The following ABCA3 variants were observed in gnomAD, a reference collection of about 807,000 sequenced individuals.
ABCA3 encodes ATP binding cassette subfamily A member 3, also known as phospholipid-transporting ATPase ABCA3.
Under a neutral mutation model 172.8 loss-of-function variants are expected in ABCA3, and 88 were observed. The observed-to-expected ratio is 0.51, with a 90% CI of 0.43 to 0.61. ABCA3 has a LOEUF of 0.61. Ranked by LOEUF, ABCA3 falls within the 20% of genes least tolerant of loss-of-function variation. The probability of loss-of-function intolerance (pLI) is 0.00; values close to 1 mark genes in which losing one functional copy is unlikely to be tolerated. For synonymous variants in ABCA3, 1,066 were observed against 983.8 expected (o/e 1.08, Z -1.56); for missense variants, 2,164 against 2,301.0 (o/e 0.94, Z 1.22).
rs1013536614 is a variant in ABCA3, at chr16:2,279,661, G to T, written c.4360-531C>A. On this transcript the variant is annotated intron_variant, in intron 28 of 32. Transcript: ENST00000301732. The surrounding 1 kb of genome is among the most constrained non-coding windows in gnomAD (Gnocchi z 4.4). ...TACCTTCAGCAGCTGGTCGGGGGCA[G>T]GAGTGCCTGGGTTCTGTGGATTCCA... Among the ~76,000 whole-genome samples, 2 of 152,146 alleles carry T rather than the reference G, an allele frequency of 1.3e-5. No homozygotes were observed. The highest frequency in any genetic ancestry group is 1.3e-4 in the Admixed American group (2 of 15,278).
intron 1 of ABCA3, chr16:2,339,043 A>C (rs2093756312): frequency 6.6e-6 from 1 of 152,370 alleles, no homozygotes; most frequent in Non-Finnish European, 1.5e-5. Flanking sequence ...GGTGTGAGCC[A>C]CTTAGCCCGG....
chr16:2,283,477 A>G lies in ABCA3; in HGVS notation c.3863-119T>C, dbSNP rs950770614. 12 of 1,158,066 alleles carry G rather than the reference A, an allele frequency of 1.0e-5. No homozygotes were observed. Among genetic ancestry groups the G allele is most frequent in the Non-Finnish European group, 1.5e-5 (12 of 823,456 alleles). 71.7% of individuals were successfully genotyped at this position (1,158,066 alleles called of 1,614,324 possible). A position where few individuals can be genotyped will look rare whatever the true frequency, so the allele number is the denominator to read the frequency against. On this transcript the variant is annotated intron_variant, in intron 25 of 32. Transcript: ENST00000301732. This position sits in a 1 kb window ranked among gnomAD's most constrained non-coding sequence, Gnocchi z 5.4. ...AGGCGCCTGTAACAATGTCCCCTCC[A>G]TGGGGAGATGTGAAGGCCAGTAGGT...
Position 2,326,056 on chromosome 16 carries a change from C to G in ABCA3, c.273G>C (p.Lys91Asn), listed in dbSNP as rs1382854589. Residue 91 changes from lysine (K) to asparagine (N), a missense_variant, in exon 5 of 33, where the codon AAG becomes AAC. Physicochemically the swap from Lys to Asn is moderately conservative, Grantham distance 94. Around this residue, in one of 3 missense-constraint regions of ABCA3, gnomAD observed 1,343 missense variants for 1,369.6 expected, o/e 0.98. Coordinates refer to ENST00000301732, the MANE Select transcript of ABCA3 (RefSeq NM_001089.3). ...CCCTGCGCACTGTCTCAGTGACGGTCTTGGCAGCGTCACTGTGAGAAGGGA... is the reference window on the plus strand; with the variant it reads ...CCCTGCGCACTGTCTCAGTGACGGTGTTGGCAGCGTCACTGTGAGAAGGGA... ...AYIPSHSDAA[K>N]TVTETVRRAL... 1.9e-6 allele frequency: 3 copies of G among 1,613,924 alleles called. No individual in the cohort carries two copies. The African/African-American group carries it at 4.0e-5, about 22-fold the overall frequency.
intron 19 of ABCA3, among the ~76,000 whole-genome samples, chr16:2,289,823 C>T (rs1371995608): frequency 6.6e-6 from 1 of 152,176 alleles, no homozygotes; most frequent in African/African-American, 2.4e-5. Context: ...CATAGGGTTT[C>T]ACCATGTTGG....
In ABCA3 at chr16:2,288,340, G is replaced by A. The variant is rs2093666416; in HGVS notation, c.2701-11C>T. 6.5e-7 allele frequency: 1 copy of A among 1,543,574 alleles called. No individual in the cohort carries two copies. On this transcript the variant is annotated splice_polypyrimidine_tract_variant and intron_variant, in intron 20 of 32. Coordinates refer to ENST00000301732, the MANE Select transcript of ABCA3 (RefSeq NM_001089.3). Reference sequence around the variant, plus strand: ...GCAGTGCAGGGCGAGCTGCGGCAGAGGGGACGCAGGTGACACCGGCACCGC... The same window carrying A: ...GCAGTGCAGGGCGAGCTGCGGCAGAAGGGACGCAGGTGACACCGGCACCGC...
rs1352529622 is a variant in ABCA3 at position 2,281,038 on chromosome 16, C to T, written c.4348G>A (p.Asp1450Asn). 1.2e-6 allele frequency: 2 copies of T among 1,613,936 alleles called. No individual in the cohort carries two copies. The highest frequency in any genetic ancestry group is 4.5e-5 in the East Asian group (2 of 44,880). ...CTGGCTGCACCCACCTTTCCGACAT[C>T]AGAGCTGATTCTGTGACCCCCGACA... ...AFVGGHRISS[D>N]VGKVRQRIGY... Residue 1450 changes from aspartate (D) to asparagine (N), a missense_variant, in exon 28 of 33, where the codon GAT becomes AAT. By Grantham distance (23) the Asp-to-Asn change is conservative. Transcript: ENST00000301732. The surrounding 1 kb of genome is among the most constrained non-coding windows in gnomAD (Gnocchi z 4.7).
chr16:2,332,222 C>T (rs56372747), intron 1 of ABCA3: 6,042 of 413,290 alleles, frequency 0.015, 271 homozygotes, highest in African/African-American at 0.11. Context: ...AAATCCCAAA[C>T]TCCTCCATTT....
At chr16:2,290,719 C>T (rs1190396452) in intron 19 of ABCA3, among the ~76,000 whole-genome samples, 1 of 152,210 alleles carries the variant, frequency 6.6e-6, no homozygotes, top group Non-Finnish European at 1.5e-5. Flanking sequence ...CGCCGCCTTG[C>T]CTGGCCTTTT....
chr16:2,311,760 T>G (rs978088364), intron 10 of ABCA3, among the ~76,000 whole-genome samples: 10 of 152,286 alleles, frequency 6.6e-5, no homozygotes, highest in Non-Finnish European at 1.5e-4. Flanking sequence ...GACCTCGTGA[T>G]CCACCCACCT....
At chr16:2,339,349 G>T (rs544478543) in intron 1 of ABCA3, 17 of 152,326 alleles carry the variant, frequency 1.1e-4, no homozygotes, top group African/African-American at 4.1e-4. Flanking sequence ...ACTTTAGGAA[G>T]GGAGAGACGT....
chr16:2,336,244 C>T (rs1018500072), intron 1 of ABCA3, among the ~76,000 whole-genome samples: 1 of 152,160 alleles, frequency 6.6e-6, no homozygotes, highest in Non-Finnish European at 1.5e-5. Flanking sequence ...ATCTTCAACA[C>T]CAGAATCTCC....
Position 2,277,522 on chromosome 16 carries a change from C to T in ABCA3, c.4983+75G>A, listed in dbSNP as rs1383204948. ...CTCTGTGGAAAGAGCCTGCAGTCACCACAGAGGGAGAGACCCCTGGAGGGA... is the reference window on the plus strand; with the variant it reads ...CTCTGTGGAAAGAGCCTGCAGTCACTACAGAGGGAGAGACCCCTGGAGGGA... On this transcript the variant is annotated intron_variant, in intron 32 of 32. Transcript: ENST00000301732. The surrounding 1 kb of genome is among the most constrained non-coding windows in gnomAD (Gnocchi z 5.3). The T allele has an allele frequency of 6.7e-7, 1 of 1,491,508 alleles. No individual in the cohort carries two copies. The highest frequency in any genetic ancestry group is 1.4e-5 in the African/African-American group (1 of 72,286). 92.4% of individuals were successfully genotyped at this position (1,491,508 alleles called of 1,614,324 possible).
At chr16:2,332,814 C>G (rs62040684) in intron 1 of ABCA3, 2 of 613,596 alleles carry the variant, frequency 3.3e-6, no homozygotes, top group South Asian at 4.0e-5. Context: ...TTCCTATGTG[C>G]CCTTTTTTTT....
chr16:2,340,479 C>A (rs572992681), intron 1 of ABCA3, 94 bp downstream of exon 1: 87 of 150,446 alleles, frequency 5.8e-4, no homozygotes, highest in Admixed American at 2.5e-3. Context: ...GCCCGAGGCC[C>A]GAGCTGGCCG....
chr16:2,318,802 T>C (rs1168382955), intron 8 of ABCA3, among the ~76,000 whole-genome samples: 9 of 152,244 alleles, frequency 5.9e-5, no homozygotes, highest in African/African-American at 2.2e-4. Context: ...TGTGAGCCAG[T>C]GCCCAGGGCT....
chr16:2,336,147 AAG>A (rs979680829), intron 1 of ABCA3, among the ~76,000 whole-genome samples: 2 of 152,192 alleles, frequency 1.3e-5, no homozygotes, highest in African/African-American at 4.8e-5. Flanking sequence ...CAGACGTTTG[AAG>A]AGGTTTCCAC....
chr16:2,304,194 G>C, intron 11 of ABCA3, 44 bp from the exon 12 acceptor site: 1 of 1,611,058 alleles, frequency 6.2e-7, no homozygotes. Flanking sequence ...CAGCAGGCTG[G>C]GGGGCCCAGG....
At position 2,304,018 on chromosome 16, in the gene ABCA3, A is replaced by G. The variant is rs1213830844; in HGVS notation, c.1418T>C (p.Val473Ala). ...AGGCACGCCGAACTGCCCTGGGAAG[A>G]CGGCCTCCATGTACCAGGTCACCAG... ...YGLVTWYMEA[V>A]FPGQFGVPQP... The change falls in exon 12 of 33, where the codon GTC becomes GCC. Residue 473 changes from valine (V) to alanine (A), a missense_variant. By Grantham distance (64) the Val-to-Ala change is moderately conservative. This residue lies in a region of ABCA3 where 1,343 missense variants were observed against 1,369.6 expected (regional missense o/e 0.98). Coordinates refer to ENST00000301732, the MANE Select transcript of ABCA3 (RefSeq NM_001089.3). The G allele has an allele frequency of 6.2e-7, 1 of 1,614,144 alleles. No individual in the cohort carries two copies. Among genetic ancestry groups the G allele is most frequent in the Non-Finnish European group, 8.5e-7 (1 of 1,180,026 alleles).
At position 2,300,837 on chromosome 16, in the gene ABCA3, C is replaced by T. The variant is rs565249458; in HGVS notation, c.1468-689G>A. Among the ~76,000 whole-genome samples, 9 of 152,350 alleles carry T rather than the reference C, an allele frequency of 5.9e-5. No individual in the cohort carries two copies. The East Asian group carries it at 1.5e-3, about 26-fold the overall frequency. Reference sequence around the variant, plus strand: ...GGGGACTCGTTTACCCGCAGCTCCACGCCCAGTGCACTTCCAGCACCTGGA... The same window carrying T: ...GGGGACTCGTTTACCCGCAGCTCCATGCCCAGTGCACTTCCAGCACCTGGA... On this transcript the variant is annotated intron_variant, in intron 12 of 32. Transcript: ENST00000301732.
Sources: gnomAD v4.1 joint callset for allele counts (sites outside exome capture counted in the v4.1 genomes callset) on GRCh38, gnomAD v4.1.1 for gene constraint, gnomAD v4.1.1 regional missense constraint, Gnocchi (gnomAD v3.1) non-coding constraint, MANE v1.5 for transcripts, NCBI Gene and HGNC (gene_info 2026-07-23, HGNC 2026-07-21) for gene names.